THBS2: variants seen among roughly 807,000 people sequenced by gnomAD.
THBS2 encodes thrombospondin 2.
A neutral mutation model predicts 135.2 loss-of-function variants in THBS2; 47 were observed. That is an observed-to-expected ratio of 0.35 (90% CI 0.28 to 0.44). The LOEUF is 0.44. Ranked by LOEUF, THBS2 falls within the 20% of genes least tolerant of loss-of-function variation. THBS2 has a pLI of 1.00. For synonymous variants in THBS2, 639 were observed against 633.8 expected (o/e 1.01, Z -0.12); for missense variants, 1,288 against 1,603.1 (o/e 0.80, Z 3.36).
chr6:169,232,341 A>T (rs1779868878), intron 12 of THBS2, 143 bp from the exon 13 acceptor site: 1 of 944,492 alleles, frequency 1.1e-6, no homozygotes, highest in African/African-American at 1.6e-5. Context: ...CTTTCTGGAC[A>T]CGCACTTGAG....
chr6:169,232,233 C>G (rs754022416), intron 12 of THBS2, 35 bp from the exon 13 acceptor site: 1 of 1,607,964 alleles, frequency 6.2e-7, no homozygotes, highest in Non-Finnish European at 8.5e-7. Context: ...TAGCGACAGG[C>G]AGGACGATGG....
At chr6:169,230,395 C>G (rs970955043) in intron 13 of THBS2, among the ~76,000 whole-genome samples, 1 of 152,188 alleles carries the variant, frequency 6.6e-6, no homozygotes, top group Non-Finnish European at 1.5e-5. Context: ...GCACATCACT[C>G]GTTGAATCAG....
At chr6:169,225,042 C>T in intron 17 of THBS2, 103 bp downstream of exon 17, 1 of 1,177,764 alleles carries the variant, frequency 8.5e-7, no homozygotes, top group Non-Finnish European at 1.2e-6. Flanking sequence ...TGCCCTTTTT[C>T]CAGCAGCAGA....
chr6:169,240,563 G>A lies in THBS2; in HGVS notation c.921C>T (p.Leu307=). 6.8e-6 allele frequency: 11 copies of A among 1,613,974 alleles called. No individual in the cohort carries two copies. Among genetic ancestry groups the A allele is most frequent in the Non-Finnish European group, 7.6e-6 (9 of 1,179,974 alleles). The change falls in exon 6 of 22, where the codon CTC becomes CTT. Residue 307 remains leucine, a synonymous_variant. Transcript: ENST00000617924. ...VSNDNQFLWE[L]IGGPPKTRNM... ...TCCTTGTCTTAGGAGGGCCACCAAT[G>A]AGCTCCCAGAGAAACTGGTTATCAT...
chr6:169,227,274 G>C (rs1337121839), intron 15 of THBS2, among the ~76,000 whole-genome samples: 1 of 152,168 alleles, frequency 6.6e-6, no homozygotes, highest in African/African-American at 2.4e-5. Context: ...CCCAGCTCTT[G>C]CTGGTTCTAC....
intron 4 of THBS2, among the ~76,000 whole-genome samples, chr6:169,244,374 G>A (rs1233864855): frequency 3.5e-5 from 5 of 142,252 alleles, no homozygotes; most frequent in African/African-American, 5.3e-5. Context: ...TGTAAGTCAC[G>A]TTTGTCATAG....
In THBS2 at chr6:169,234,906, G is replaced by A. The variant is rs761299694; in HGVS notation, c.1479C>T (p.Ile493=). 29 of 1,590,474 alleles carry A rather than the reference G, an allele frequency of 1.8e-5. No individual in the cohort carries two copies. Among genetic ancestry groups the A allele is most frequent in the Admixed American group, 1.2e-4 (7 of 57,138 alleles). The change falls in exon 10 of 22, where the codon ATC becomes ATT. Residue 493 remains isoleucine (I), a splice_region_variant and synonymous_variant. Coordinates refer to ENST00000617924, the MANE Select transcript of THBS2 (RefSeq NM_003247.5). ...TKACQGAPCP[I]DGRWSPWSPW... is the part of the protein sequence containing the mutation. Reference sequence around the variant, plus strand: ...GGGACCAGGGGCTCCAGCGGCCATCGACTGCGGGGAAAGCCAACCAGGGGG... The same window carrying A: ...GGGACCAGGGGCTCCAGCGGCCATCAACTGCGGGGAAAGCCAACCAGGGGG...
At chr6:169,227,213 G>A (rs1465582259) in intron 15 of THBS2, among the ~76,000 whole-genome samples, 1 of 152,166 alleles carries the variant, frequency 6.6e-6, no homozygotes, top group Non-Finnish European at 1.5e-5. Context: ...ACCCCACGAG[G>A]CGAAGTGTGG....
At position 169,241,912 on chromosome 6, in the gene THBS2, A is replaced by G. The variant is rs755858254; in HGVS notation, c.741T>C (p.Gly247=). 6.2e-7 allele frequency: 1 copy of G among 1,611,776 alleles called. No homozygotes were observed. ...ISENTETLRL[G]PHVTTEYVGP... ...CCACGTACTCGGTGGTGACATGCGGACCCAGGCGCAGCGTCTCTGTGTTCT... is the reference window on the plus strand; with the variant it reads ...CCACGTACTCGGTGGTGACATGCGGGCCCAGGCGCAGCGTCTCTGTGTTCT... The change falls in exon 5 of 22, where the codon GGT becomes GGC. Residue 247 remains glycine (G), a synonymous_variant. Transcript: ENST00000617924. This position sits in a 1 kb window ranked among gnomAD's most constrained non-coding sequence, Gnocchi z 5.5.
At chr6:169,250,706 G>A (rs1323962627) in intron 2 of THBS2, 27 bp downstream of exon 2, 2 of 1,608,560 alleles carry the variant, frequency 1.2e-6, no homozygotes, top group Admixed American at 1.7e-5. Context: ...AAGCCAGAGA[G>A]AGACCACAGG....
chr6:169,222,363 C>T lies in THBS2; in HGVS notation c.3107G>A (p.Arg1036His), dbSNP rs758667172. The T allele has an allele frequency of 7.6e-5, 122 of 1,613,582 alleles. No individual in the cohort carries two copies. Among genetic ancestry groups the T allele is most frequent in the East Asian group, 1.6e-4 (7 of 44,888 alleles). Residue 1036 changes from arginine to histidine, a missense_variant, in exon 19 of 22, where the codon CGC becomes CAC. Transcript: ENST00000617924. The stretch of plus-strand genomic sequence containing the variant: ...CTGCTTCCACATCACCACATAGAAG[C>T]GGCTGCTTGACTGGTAACCAAAGAC... ...GFVFGYQSSS[R>H]FYVVMWKQVT...
chr6:169,218,764 G>GATGT, intron 21 of THBS2, among the ~76,000 whole-genome samples: 1 of 143,884 alleles, frequency 7.0e-6, no homozygotes, highest in Admixed American at 7.0e-5. Flanking sequence ...TGGATGGGTG[G>GATGT]GTGGGTGGAT....
In THBS2 at chr6:169,224,752, T is replaced by C. The variant is rs185289661; in HGVS notation, c.2773+393A>G. On this transcript the variant is annotated intron_variant, in intron 17 of 21. Transcript: ENST00000617924. ...CTCATGCTTCACACTCGTGCCACTTTTGTTGGCTTTGCTTTCAAAAAAATC... is the reference window on the plus strand; with the variant it reads ...CTCATGCTTCACACTCGTGCCACTTCTGTTGGCTTTGCTTTCAAAAAAATC... Among the ~76,000 whole-genome samples the C allele has an allele frequency of 2.0e-5, 3 of 152,338 alleles. No individual in the cohort carries two copies. In the East Asian group the frequency reaches 5.8e-4, roughly 29 times the overall value.
At chr6:169,246,097 A>C (rs1780545200) in intron 4 of THBS2, 100 bp downstream of exon 4, 1 of 942,228 alleles carries the variant, frequency 1.1e-6, no homozygotes, top group Non-Finnish European at 1.6e-6. Context: ...AAATTTTTAC[A>C]AGCATGAATG....
intron 3 of THBS2, among the ~76,000 whole-genome samples, chr6:169,246,643 G>T (rs1336702867): frequency 2.6e-5 from 4 of 152,198 alleles, no homozygotes; most frequent in African/African-American, 9.7e-5. Context: ...CATGATTAGC[G>T]AGTTTCTGCA....
chr6:169,245,319 C>T lies in THBS2; in HGVS notation c.694+878G>A, dbSNP rs569155992. Among the ~76,000 whole-genome samples the T allele has an allele frequency of 6.6e-5, 10 of 152,230 alleles. No individual in the cohort carries two copies. The East Asian group carries it at 7.7e-4, about 12-fold the overall frequency. On this transcript the variant is annotated intron_variant, in intron 4 of 21. Transcript: ENST00000617924. ...GTCATTCTGAAGATTAGATGATGTA[C>T]GGCATTTAATGAACCTGTCATAGTG...
chr6:169,226,081 G>A, intron 16 of THBS2, 99 bp downstream of exon 16: 2 of 1,346,692 alleles, frequency 1.5e-6, no homozygotes, highest in Non-Finnish European at 2.1e-6. Context: ...TCAGGGTTGT[G>A]CACCAGGGGC....
intron 1 of THBS2, among the ~76,000 whole-genome samples, chr6:169,251,487 CAGG>C (rs1011173475): frequency 3.9e-5 from 6 of 152,134 alleles, no homozygotes; most frequent in African/African-American, 1.4e-4. Context: ...GCCCCGAAGT[CAGG>C]AGATGTGGTC....
chr6:169,232,223 T>G, intron 12 of THBS2, 25 bp from the exon 13 acceptor site: 1 of 1,610,776 alleles, frequency 6.2e-7, no homozygotes, highest in South Asian at 1.1e-5. Context: ...GCTGCGGGGT[T>G]AGCGACAGGC....
Sources: gnomAD v4.1 joint callset for allele counts (sites outside exome capture counted in the v4.1 genomes callset) on GRCh38, gnomAD v4.1.1 for gene constraint, Gnocchi (gnomAD v3.1) non-coding constraint, MANE v1.5 for transcripts, NCBI Gene and HGNC (gene_info 2026-07-23, HGNC 2026-07-21) for gene names.